The following CNTN5 variants were observed in gnomAD, a reference collection of about 807,000 sequenced individuals.
CNTN5 encodes contactin-5.
CNTN5 carries 77 observed loss-of-function variants against 129.1 expected under a neutral mutation model. The observed-to-expected ratio is 0.60, with a 90% confidence interval of 0.50 to 0.72. CNTN5 has a LOEUF of 0.72. Among genes scored for constraint, CNTN5 ranks in the 30% least tolerant of loss-of-function variants. The pLI is 0.00. For missense variants in CNTN5, 1,478 were observed against 1,328.8 expected (o/e 1.11, Z -1.75); for synonymous variants, 509 against 465.6 (o/e 1.09, Z -1.20).
At chr11:100,256,822 C>T (rs1014416233) in intron 17 of CNTN5, among the ~76,000 whole-genome samples, 1 of 152,048 alleles carries the variant, frequency 6.6e-6, no homozygotes, top group Non-Finnish European at 1.5e-5. Context: ...AGGAGATTCC[C>T]TCAGGTGCCT....
intron 1 of CNTN5, among the ~76,000 whole-genome samples, chr11:99,268,827 T>C (rs2135849356): frequency 1.3e-5 from 2 of 152,094 alleles, no homozygotes; most frequent in Middle Eastern, 3.4e-3. Flanking sequence ...AGGATGTGTT[T>C]AGAAAGGCCA....
intron 9 of CNTN5, among the ~76,000 whole-genome samples, chr11:100,043,539 C>G (rs943287784): frequency 1.3e-5 from 2 of 152,168 alleles, no homozygotes; most frequent in African/African-American, 4.8e-5. Context: ...CCTGCACTTT[C>G]CATAAACTTG....
Position 99,879,201 on chromosome 11 carries a change from G to A in CNTN5, c.577+33939G>A, listed in dbSNP as rs1000360519. 2.0e-5 allele frequency among the ~76,000 whole-genome samples: 3 copies of A among 152,078 alleles called. No homozygotes were observed. The South Asian group carries it at 6.2e-4, about 32-fold the overall frequency. On this transcript the variant is annotated intron_variant, in intron 6 of 24. Transcript: ENST00000524871. ...GATCCACCCACCTCGGCCTCCCAAA[G>A]TGCTGGGATTACAGGCGTGATCCAC...
At chr11:100,156,855 T>A (rs1947260566) in intron 13 of CNTN5, among the ~76,000 whole-genome samples, 1 of 152,002 alleles carries the variant, frequency 6.6e-6, no homozygotes. Flanking sequence ...CCCTTTACCA[T>A]TTTTTAGTGT....
chr11:99,242,950 G>T (rs779717171), intron 1 of CNTN5, among the ~76,000 whole-genome samples: 35 of 152,112 alleles, frequency 2.3e-4, no homozygotes, highest in Non-Finnish European at 4.9e-4. Context: ...GAACCTGAGA[G>T]TACATGACTT....
At chr11:100,153,602 C>A (rs1211485011) in intron 13 of CNTN5, among the ~76,000 whole-genome samples, 1 of 152,006 alleles carries the variant, frequency 6.6e-6, no homozygotes, top group Non-Finnish European at 1.5e-5. Flanking sequence ...GATTATTAAT[C>A]AAATGGCGTG....
intron 3 of CNTN5, among the ~76,000 whole-genome samples, chr11:99,610,217 A>T (rs1565345678): frequency 6.6e-6 from 1 of 152,060 alleles, no homozygotes; most frequent in East Asian, 1.9e-4. Flanking sequence ...TTCCCAACTA[A>T]CTCTAAAATA....
At chr11:100,143,729 C>T (rs1354225026) in intron 13 of CNTN5, among the ~76,000 whole-genome samples, 2 of 152,184 alleles carry the variant, frequency 1.3e-5, no homozygotes, top group African/African-American at 2.4e-5. Context: ...AAATTTAGAG[C>T]CAGTGTGGCA....
chr11:100,125,102 G>A (rs775557376), intron 13 of CNTN5, among the ~76,000 whole-genome samples: 1 of 152,012 alleles, frequency 6.6e-6, no homozygotes, highest in Non-Finnish European at 1.5e-5. Flanking sequence ...GCTAAGAATT[G>A]AAGATGTTAT....
chr11:99,107,847 C>G (rs772313992), intron 1 of CNTN5, among the ~76,000 whole-genome samples: 1 of 149,820 alleles, frequency 6.7e-6, no homozygotes, highest in African/African-American at 2.5e-5. Context: ...AGGAGAATCA[C>G]TTGAATTTGG....
chr11:99,608,757 C>T (rs1358867525), intron 3 of CNTN5, among the ~76,000 whole-genome samples: 2 of 152,110 alleles, frequency 1.3e-5, no homozygotes, highest in Admixed American at 6.6e-5. Flanking sequence ...CTATTACAGG[C>T]AGTAAACTTA....
chr11:100,312,157 A>G (rs2138933413), intron 21 of CNTN5, among the ~76,000 whole-genome samples: 1 of 152,190 alleles, frequency 6.6e-6, no homozygotes, highest in South Asian at 2.1e-4. Flanking sequence ...AAAAATCAAC[A>G]TCTCATTAAT....
chr11:99,502,163 T>A (rs1946448527), intron 2 of CNTN5, among the ~76,000 whole-genome samples: 1 of 152,238 alleles, frequency 6.6e-6, no homozygotes, highest in Non-Finnish European at 1.5e-5. Flanking sequence ...CTAACATCTA[T>A]GTTGGATGGT....
chr11:100,269,062 G>C (rs1950359420), intron 17 of CNTN5, among the ~76,000 whole-genome samples: 1 of 152,148 alleles, frequency 6.6e-6, no homozygotes, highest in South Asian at 2.1e-4. Flanking sequence ...AAACAGTAGA[G>C]CCATTTGCAT....
intron 18 of CNTN5, among the ~76,000 whole-genome samples, chr11:100,280,311 C>T (rs1360614520): frequency 6.6e-6 from 1 of 151,938 alleles, no homozygotes; most frequent in African/African-American, 2.4e-5. Context: ...TGAGGCGTAT[C>T]TCTCTTTCCT....
intron 3 of CNTN5, among the ~76,000 whole-genome samples, chr11:99,569,236 C>T (rs528325794): frequency 6.6e-6 from 1 of 152,246 alleles, no homozygotes; most frequent in African/African-American, 2.4e-5. Context: ...TTTGCTGTTT[C>T]ATATACAGGA....
chr11:100,144,251 C>T (rs1425429354), intron 13 of CNTN5, among the ~76,000 whole-genome samples: 1 of 151,840 alleles, frequency 6.6e-6, no homozygotes, highest in East Asian at 1.9e-4. Context: ...TCAGTGGGTA[C>T]ATGTGCAGAT....
intron 2 of CNTN5, among the ~76,000 whole-genome samples, chr11:99,526,104 A>T (rs1033196445): frequency 1.3e-5 from 2 of 152,216 alleles, no homozygotes; most frequent in Non-Finnish European, 2.9e-5. Context: ...TAAGCAAAAA[A>T]CTGTAAGGCT....
intron 21 of CNTN5, among the ~76,000 whole-genome samples, chr11:100,326,285 T>C (rs182082388): frequency 6.6e-5 from 10 of 152,002 alleles, no homozygotes; most frequent in South Asian, 4.1e-4. Context: ...GCGAAGAAGA[T>C]AGAATATATG....
Sources: allele counts gnomAD v4.1 joint callset (sites outside exome capture counted in the v4.1 genomes callset), GRCh38; gene constraint gnomAD v4.1.1; transcripts MANE v1.5; gene names NCBI Gene and HGNC (gene_info 2026-07-23, HGNC 2026-07-21).